Variants in PHF14 observed in about 807,000 individuals in gnomAD.
The protein encoded by PHF14 is PHD finger protein 14.
In PHF14, 55 loss-of-function variants were observed where a neutral mutation model predicts 117.9. That is an observed-to-expected ratio of 0.47 (90% CI 0.38 to 0.58). The LOEUF is 0.58. Ranked by LOEUF, PHF14 falls within the 20% of genes least tolerant of loss-of-function variation. The pLI is 0.00. For synonymous variants in PHF14, 409 were observed against 368.6 expected, an observed-to-expected ratio of 1.11 and a Z score of -1.26; for missense variants, 978 against 1,122.2, an observed-to-expected ratio of 0.87 and a Z score of 1.84.
chr7:11,053,144 G>A (rs1441604219), intron 14 of PHF14, among the ~76,000 whole-genome samples: 2 of 152,020 alleles, frequency 1.3e-5, no homozygotes, highest in Admixed American at 6.6e-5. Flanking sequence ...ATTTTAAAGA[G>A]TCTTTAATTT....
chr7:11,031,533 G>A (rs1784120732), intron 7 of PHF14, among the ~76,000 whole-genome samples: 1 of 150,798 alleles, frequency 6.6e-6, no homozygotes, highest in South Asian at 2.1e-4. Context: ...CCAGAGGATT[G>A]CTTGAGGCCA....
intron 16 of PHF14, chr7:11,063,799 T>C: frequency 1.9e-6 from 1 of 514,872 alleles, no homozygotes; most frequent in Non-Finnish European, 2.5e-6. Context: ...TCTTCTAATT[T>C]TGATAAGATT....
At chr7:11,156,865 TG>T (rs1788874488) in intron 17 of PHF14, among the ~76,000 whole-genome samples, 1 of 152,158 alleles carries the variant, frequency 6.6e-6, no homozygotes, top group East Asian at 1.9e-4. Context: ...TAGTCCTTGA[TG>T]TTGAGTTTAT....
intron 13 of PHF14, 67 bp from the exon 14 acceptor site, chr7:11,051,545 T>C (rs2128326707): frequency 1.5e-6 from 2 of 1,309,226 alleles, no homozygotes; most frequent in East Asian, 5.1e-5. Context: ...TTTGTATTTA[T>C]AAAAACTATA....
chr7:11,036,229 C>A (rs1367733982), intron 8 of PHF14, among the ~76,000 whole-genome samples, 189 bp from the exon 9 acceptor site: 1 of 152,042 alleles, frequency 6.6e-6, no homozygotes, highest in African/African-American at 2.4e-5. Flanking sequence ...TTACTAGGGG[C>A]AGATATAGTT....
rs1371104086 is a variant in PHF14, at chr7:10,982,870, A to T, written c.611A>T (p.Asp204Val). The T allele has an allele frequency of 6.2e-7, 1 of 1,613,768 alleles. No individual in the cohort carries two copies. The highest frequency in any genetic ancestry group is 8.5e-7 in the Non-Finnish European group (1 of 1,179,836). ...FVSMEELNDM[D>V]DYDSEDDNDW... ...TCCATGGAAGAGCTGAATGACATGG[A>T]TGACTATGACAGTGAGGATGACAAT... is the stretch of plus-strand genomic sequence containing the variant. The change falls in exon 3 of 18, where the codon GAT becomes GTT. Residue 204 changes from aspartate to valine, a missense_variant. Transcript: ENST00000634607.
intron 4 of PHF14, among the ~76,000 whole-genome samples, chr7:10,995,335 G>A (rs1782600105): frequency 6.7e-6 from 1 of 149,714 alleles, no homozygotes; most frequent in East Asian, 2.0e-4. Context: ...GCTGATTGGT[G>A]CATTTACAAG....
At chr7:11,009,507 T>A (rs1163980443) in intron 4 of PHF14, among the ~76,000 whole-genome samples, 1 of 152,228 alleles carries the variant, frequency 6.6e-6, no homozygotes, top group Non-Finnish European at 1.5e-5. Flanking sequence ...TATGTGTTTA[T>A]ACATTGTTTA....
At chr7:11,061,864 T>A (rs1562445995) in intron 15 of PHF14, 23 bp downstream of exon 15, 2 of 1,531,438 alleles carry the variant, frequency 1.3e-6, no homozygotes, top group Non-Finnish European at 1.8e-6. Flanking sequence ...TAAGCACTTT[T>A]ACACAGTCTT....
chr7:11,031,898 A>G (rs1261114676), intron 7 of PHF14, among the ~76,000 whole-genome samples: 1 of 152,180 alleles, frequency 6.6e-6, no homozygotes, highest in Non-Finnish European at 1.5e-5. Context: ...TTTCTTCTGT[A>G]ATTAAAGTAT....
At chr7:11,080,502 C>T (rs1193404143) in intron 16 of PHF14, among the ~76,000 whole-genome samples, 3 of 152,010 alleles carry the variant, frequency 2.0e-5, no homozygotes, top group African/African-American at 7.2e-5. Context: ...ATAACTTTTT[C>T]AGTAGATTTT....
At chr7:11,087,901 A>G (rs892061358) in intron 16 of PHF14, among the ~76,000 whole-genome samples, 2 of 152,236 alleles carry the variant, frequency 1.3e-5, no homozygotes, top group South Asian at 2.1e-4. Flanking sequence ...TTTAAAGTGT[A>G]TAACTTGAAA....
At chr7:11,016,340 AG>A (rs904341126) in intron 5 of PHF14, among the ~76,000 whole-genome samples, 3 of 152,170 alleles carry the variant, frequency 2.0e-5, no homozygotes, top group African/African-American at 7.2e-5. Flanking sequence ...AATGGAAAAC[AG>A]GGAAAAAGAA....
intron 16 of PHF14, among the ~76,000 whole-genome samples, chr7:11,069,715 CT>C (rs200795184): frequency 2.9e-5 from 4 of 137,420 alleles, no homozygotes; most frequent in Admixed American, 7.7e-5. Flanking sequence ...CTTGTCTTTC[CT>C]TTTTTTTTGG....
intron 4 of PHF14, among the ~76,000 whole-genome samples, chr7:10,998,619 T>A (rs1341166836): frequency 6.6e-6 from 1 of 152,148 alleles, no homozygotes; most frequent in African/African-American, 2.4e-5. Context: ...CTTCTCCAGG[T>A]GTGGTTCAGA....
chr7:11,047,153 C>A (rs1301820421), intron 13 of PHF14, among the ~76,000 whole-genome samples: 1 of 151,934 alleles, frequency 6.6e-6, no homozygotes, highest in Admixed American at 6.6e-5. Flanking sequence ...ACCGCAACTT[C>A]TGCCTCCTGG....
At chr7:11,110,143 C>T (rs1191350667) in intron 16 of PHF14, 1 of 151,172 alleles carries the variant, frequency 6.6e-6, no homozygotes, top group Admixed American at 6.6e-5. Flanking sequence ...TTCTTAAAGT[C>T]AATTGTTTTT....
chr7:11,055,128 T>C (rs1784975027), intron 14 of PHF14, among the ~76,000 whole-genome samples: 1 of 152,182 alleles, frequency 6.6e-6, no homozygotes, highest in Non-Finnish European at 1.5e-5. Context: ...TTAAGTACTT[T>C]GTTATTTAGA....
intron 17 of PHF14, among the ~76,000 whole-genome samples, chr7:11,160,783 A>C (rs927443711): frequency 8.6e-5 from 13 of 151,550 alleles, no homozygotes; most frequent in African/African-American, 3.2e-4. Flanking sequence ...TTGCTTTTTG[A>C]ATTAAGTTTC....
Sources: gnomAD v4.1 joint callset for allele counts (sites outside exome capture counted in the v4.1 genomes callset) on GRCh38, gnomAD v4.1.1 for gene constraint, MANE v1.5 for transcripts, NCBI Gene and HGNC (gene_info 2026-07-23, HGNC 2026-07-21) for gene names.